The following CCR5AS variants were observed in gnomAD, a reference collection of about 807,000 sequenced individuals.
CCR5AS encodes the protein CCR5 antisense RNA.
chr3:46,399,819 G>A (rs1701991660), intron 1 of CCR5AS, among the ~76,000 whole-genome samples: 2 of 152,138 alleles, frequency 1.3e-5, no homozygotes, highest in South Asian at 2.1e-4. Flanking sequence ...TAGAACGGGG[G>A]TGAAGAGACT....
At chr3:46,388,813 C>A (rs144564131) in intron 2 of CCR5AS, among the ~76,000 whole-genome samples, 1 of 151,944 alleles carries the variant, frequency 6.6e-6, no homozygotes, top group African/African-American at 2.4e-5. Context: ...AGAATGGGAA[C>A]GAGAATAAGA....
At chr3:46,402,118 G>A (rs768113506) in intron 1 of CCR5AS, among the ~76,000 whole-genome samples, 34 of 152,024 alleles carry the variant, frequency 2.2e-4, no homozygotes, top group African/African-American at 7.2e-4. Flanking sequence ...AGCATACTGC[G>A]GAATAAACTC....
intron 2 of CCR5AS, among the ~76,000 whole-genome samples, chr3:46,371,843 C>T (rs2856762): frequency 0.068 from 10,277 of 152,204 alleles, 527 homozygotes; most frequent in South Asian, 0.19. Context: ...TATGACCTTC[C>T]CTGGGACTTG....
At chr3:46,370,512 A>G (rs1393373122) in intron 3 of CCR5AS, among the ~76,000 whole-genome samples, 1 of 152,188 alleles carries the variant, frequency 6.6e-6, no homozygotes, top group Non-Finnish European at 1.5e-5. Flanking sequence ...GCTTTAATTA[A>G]TAGCAACTCT....
chr3:46,373,834 T>C, intron 2 of CCR5AS: 1 of 1,614,104 alleles, frequency 6.2e-7, no homozygotes, highest in Non-Finnish European at 8.5e-7. Flanking sequence ...CTCTTAGTCT[T>C]CTTCCAAAAG....
rs535462727 is a variant in CCR5AS at position 46,404,476 on chromosome 3, G to T, written n.163+2421C>A. 3.5e-4 allele frequency among the ~76,000 whole-genome samples: 53 copies of T among 151,460 alleles called. No homozygotes were observed. In the South Asian group the frequency reaches 0.01, roughly 29 times the overall value. On this transcript the variant is annotated intron_variant and non_coding_transcript_variant, in intron 1 of 3. Coordinates refer to ENST00000451485, the Ensembl canonical transcript of CCR5AS. ...CAGCCTCCCGAGTAGCTGGGATTAC[G>T]GGCACCCATCGCCACCCCTCCTGGC... is the stretch of plus-strand genomic sequence containing the variant.
chr3:46,392,526 T>C (rs991565043), intron 2 of CCR5AS, among the ~76,000 whole-genome samples: 2 of 152,066 alleles, frequency 1.3e-5, no homozygotes, highest in Non-Finnish European at 2.9e-5. Flanking sequence ...AAAGCTGGTG[T>C]CCCAGCAATT....
chr3:46,375,159 T>C (rs1701735411), intron 2 of CCR5AS: 1 of 166,982 alleles, frequency 6.0e-6, no homozygotes, highest in Admixed American at 6.5e-5. Flanking sequence ...TCACCCAGAC[T>C]CCAGGCTGTC....
Position 46,370,008 on chromosome 3 carries a change from CA to C in CCR5AS, n.565+1235del, listed in dbSNP as rs869290340. ...CGGGAGTAGCTCTCTGCTGTCTTCTCAGCTCTGCTGACAATACTTGAGATTT... is the reference window on the plus strand; with the variant it reads ...CGGGAGTAGCTCTCTGCTGTCTTCTCGCTCTGCTGACAATACTTGAGATTT... On this transcript the variant is annotated intron_variant and non_coding_transcript_variant, in intron 3 of 3. Coordinates refer to ENST00000451485, the Ensembl canonical transcript of CCR5AS. 5.3e-5 allele frequency among the ~76,000 whole-genome samples: 8 copies of C among 152,190 alleles called. No homozygotes were observed. In the South Asian group the frequency reaches 1.5e-3, roughly 28 times the overall value.
chr3:46,393,687 T>C (rs1411206271), intron 1 of CCR5AS, among the ~76,000 whole-genome samples: 3 of 152,152 alleles, frequency 2.0e-5, no homozygotes, highest in Non-Finnish European at 4.4e-5. Flanking sequence ...GGTAAGAGTA[T>C]GCAGATAGGA....
intron 1 of CCR5AS, among the ~76,000 whole-genome samples, chr3:46,400,763 G>T (rs950004290): frequency 1.1e-4 from 17 of 152,186 alleles, no homozygotes; most frequent in Admixed American, 7.2e-4. Flanking sequence ...CACAAGTCTT[G>T]AATAAAATAG....
chr3:46,394,882 G>T (rs771826472), intron 1 of CCR5AS, among the ~76,000 whole-genome samples: 1 of 152,194 alleles, frequency 6.6e-6, no homozygotes, highest in Admixed American at 6.5e-5. Flanking sequence ...CTTGCACACC[G>T]TGGGCACTGA....
At chr3:46,376,176 T>C (rs1471489609) in intron 2 of CCR5AS, 2 of 166,636 alleles carry the variant, frequency 1.2e-5, no homozygotes, top group Non-Finnish European at 1.5e-5. Context: ...AAAGAAAATA[T>C]GCATCTAATA....
intron 2 of CCR5AS, among the ~76,000 whole-genome samples, chr3:46,379,934 A>AAATT (rs1701802511): frequency 6.6e-6 from 1 of 151,540 alleles, no homozygotes; most frequent in South Asian, 2.1e-4. Context: ...ATAAATAAAT[A>AAATT]AATAGTAAAT....
rs182646932 is a variant in CCR5AS at position 46,372,858 on chromosome 3, A to G, written n.392-1441T>C. ...GGAGGGCAACTAAATACATTCTAGG[A>G]CTTTATAAAAGATCACTTTTTATTT... is the stretch of plus-strand genomic sequence containing the variant. On this transcript the variant is annotated intron_variant and non_coding_transcript_variant, in intron 2 of 3. Coordinates refer to ENST00000451485, the Ensembl canonical transcript of CCR5AS. 324 of 1,453,282 alleles carry G rather than the reference A, an allele frequency of 2.2e-4. 1 individual carries two copies. In the East Asian group the frequency reaches 7.1e-3, roughly 32 times the overall value. 90.0% of individuals were successfully genotyped at this position (1,453,282 alleles called of 1,614,324 possible). A position where few individuals can be genotyped will look rare whatever the true frequency, so the allele number is the denominator to read the frequency against.
intron 2 of CCR5AS, among the ~76,000 whole-genome samples, chr3:46,386,275 T>C (rs1480148581): frequency 6.6e-6 from 1 of 152,198 alleles, no homozygotes; most frequent in Non-Finnish European, 1.5e-5. Flanking sequence ...TACTTTCACT[T>C]TTCTCTGACT....
chr3:46,366,977 C>T (rs1421724786), intron 3 of CCR5AS, among the ~76,000 whole-genome samples: 1 of 151,984 alleles, frequency 6.6e-6, no homozygotes, highest in Admixed American at 6.5e-5. Context: ...GAGAAGAGCC[C>T]GACTGTCTAC....
At chr3:46,404,680 C>A (rs2106783588) in intron 1 of CCR5AS, among the ~76,000 whole-genome samples, 1 of 152,202 alleles carries the variant, frequency 6.6e-6, no homozygotes, top group Middle Eastern at 3.4e-3. Context: ...AAATGTGATC[C>A]CTGAGCCACC....
At chr3:46,393,515 T>C (rs930978823) in intron 1 of CCR5AS, among the ~76,000 whole-genome samples, 1 of 151,934 alleles carries the variant, frequency 6.6e-6, no homozygotes, top group African/African-American at 2.4e-5. Flanking sequence ...AAAAAAATTT[T>C]TTTTCCACCA....
Sources: allele counts gnomAD v4.1 joint callset (sites outside exome capture counted in the v4.1 genomes callset), GRCh38; gene constraint gnomAD v4.1.1; transcripts MANE v1.5; gene names NCBI Gene and HGNC (gene_info 2026-07-23, HGNC 2026-07-21).